The following TTC34 variants were observed in gnomAD, a reference collection of about 807,000 sequenced individuals.
TTC34 encodes tetratricopeptide repeat domain 34, also known as tetratricopeptide repeat protein 34.
In TTC34, 44 loss-of-function variants were observed where a neutral mutation model predicts 40.7. The ratio of observed to expected loss-of-function variants is 1.08; its 90% CI spans 0.85 to 1.39. The LOEUF (loss-of-function observed/expected upper bound fraction) is 1.39. TTC34 is among the 40% of genes most tolerant of loss of function. The pLI, the probability that TTC34 is intolerant of heterozygous loss-of-function variation, is 0.00. For missense variants in TTC34, 884 were observed against 838.0 expected (o/e 1.05, Z -0.68); for synonymous variants, 422 against 398.6 (o/e 1.06, Z -0.70).
intron 6 of TTC34, among the ~76,000 whole-genome samples, chr1:2,759,486 TGA>T (rs1641620452): frequency 3.7e-5 from 2 of 54,224 alleles, no homozygotes. Flanking sequence ...CACCCCCAGG[TGA>T]GCATCGGGCA....
At position 2,753,468 on chromosome 1, in the gene TTC34, C is replaced by A. The variant is rs1282803845; in HGVS notation, c.2226+30141G>T. Among the ~76,000 whole-genome samples, 56 of 74,644 alleles carry A rather than the reference C, an allele frequency of 7.5e-4. 6 individuals carry two copies. Among genetic ancestry groups the A allele is most frequent in the Non-Finnish European group, 4.7e-4 (20 of 42,136 alleles). The allele number at this position is 74,644 out of a possible 152,430, so 49.0% of individuals were successfully genotyped here. On this transcript the variant is annotated intron_variant, in intron 6 of 8. Transcript: ENST00000401095. Reference sequence around the variant, plus strand: ...ACAGCAGCCTGCACCCCCAGGTGTGCACGTGACAGCTTGGATCAGCACCCA... The same window carrying A: ...ACAGCAGCCTGCACCCCCAGGTGTGAACGTGACAGCTTGGATCAGCACCCA...
intron 6 of TTC34, among the ~76,000 whole-genome samples, chr1:2,748,810 A>C (rs2100423118): frequency 6.8e-6 from 1 of 147,234 alleles, no homozygotes; most frequent in Non-Finnish European, 1.5e-5. Flanking sequence ...CCCACAGGCG[A>C]GCATCTGACA....
chr1:2,687,905 C>T (rs866874374), intron 6 of TTC34, among the ~76,000 whole-genome samples: 6 of 150,480 alleles, frequency 4.0e-5, no homozygotes, highest in Non-Finnish European at 5.9e-5. Flanking sequence ...GAGCATCTGA[C>T]AGACTGGAAC....
At chr1:2,698,940 G>GTATCTGAAAGCGTGGAA (rs1640996632) in intron 6 of TTC34, among the ~76,000 whole-genome samples, 1 of 129,438 alleles carries the variant, frequency 7.7e-6, no homozygotes, top group Non-Finnish European at 1.7e-5. Context: ...CCTCAGGTGA[G>GTATCTGAAAGCGTGGAA]CATCTGACAG....
intron 6 of TTC34, among the ~76,000 whole-genome samples, chr1:2,760,023 TC>T (rs1641644089): frequency 1.2e-3 from 78 of 67,370 alleles, no homozygotes; most frequent in Middle Eastern, 0.012. Flanking sequence ...CATCGGAGAG[TC>T]CGGAGCAGCG....
intron 6 of TTC34, among the ~76,000 whole-genome samples, chr1:2,682,047 T>G (rs28370268): frequency 3.6e-5 from 1 of 27,694 alleles, no homozygotes; most frequent in Admixed American, 3.2e-4. Flanking sequence ...CATCTGACAT[T>G]GTGGAGCAGC....
intron 6 of TTC34, among the ~76,000 whole-genome samples, chr1:2,657,422 C>A (rs1289724405): frequency 6.7e-5 from 6 of 89,478 alleles, no homozygotes; most frequent in African/African-American, 1.1e-4. Context: ...TACCAGTACC[C>A]CCAGGCGAGC....
At chr1:2,699,807 A>C (rs1415161121) in intron 6 of TTC34, among the ~76,000 whole-genome samples, 1 of 30,836 alleles carries the variant, frequency 3.2e-5, no homozygotes, top group Non-Finnish European at 8.2e-5. Flanking sequence ...CGAGCATCAC[A>C]TACTCCCCCA....
exon 9 of TTC34, chr1:2,640,886 G>A (rs948157680): frequency 6.6e-6 from 1 of 151,498 alleles, no homozygotes; most frequent in Non-Finnish European, 1.5e-5. Context: ...GTTGCTGGTG[G>A]TAGAAGGGAC....
intron 6 of TTC34, among the ~76,000 whole-genome samples, chr1:2,676,977 G>A (rs1482861948): frequency 7.4e-6 from 1 of 135,022 alleles, no homozygotes; most frequent in African/African-American, 2.9e-5. Context: ...ACCCCCAGGT[G>A]AGCATCCGAC....
chr1:2,777,936 C>G (rs1464009519), intron 6 of TTC34, among the ~76,000 whole-genome samples: 1 of 152,188 alleles, frequency 6.6e-6, no homozygotes, highest in Non-Finnish European at 1.5e-5. Context: ...CCACATCCAG[C>G]TGTTAAATGG....
intron 6 of TTC34, among the ~76,000 whole-genome samples, chr1:2,751,603 C>CT (rs1641322412): frequency 2.3e-5 from 1 of 43,230 alleles, no homozygotes; most frequent in African/African-American, 8.3e-5. Flanking sequence ...CAACAGCACC[C>CT]ACACCCCCAG....
chr1:2,750,484 C>T lies in TTC34; in HGVS notation c.2226+33125G>A, dbSNP rs1321225609. Among the ~76,000 whole-genome samples, 7 of 104,306 alleles carry T rather than the reference C, an allele frequency of 6.7e-5. 1 individual carries two copies. Among genetic ancestry groups the T allele is most frequent in the Admixed American group, 6.5e-4 (7 of 10,714 alleles). 68.4% of individuals were successfully genotyped at this position (104,306 alleles called of 152,430 possible). On this transcript the variant is annotated intron_variant, in intron 6 of 8. Coordinates refer to ENST00000401095, the Ensembl canonical transcript of TTC34. ...CTGACGGCCTGGAACAGCACCCACA[C>T]CCCCAGTTGAGCATTGGACAGCCTG...
chr1:2,692,493 AGCAGCCT>A (rs1640667998), intron 6 of TTC34, among the ~76,000 whole-genome samples: 1 of 138,990 alleles, frequency 7.2e-6, no homozygotes, highest in Non-Finnish European at 1.5e-5. Flanking sequence ...AGCCTGGAAC[AGCAGCCT>A]GCACCCCCAG....
At chr1:2,691,496 C>T (rs574279267) in intron 6 of TTC34, among the ~76,000 whole-genome samples, 6 of 107,248 alleles carry the variant, frequency 5.6e-5, no homozygotes, top group African/African-American at 1.6e-4. Context: ...TGGAGCAGCA[C>T]CCAAAACCAC....
At chr1:2,681,940 C>A (rs1450608141) in intron 6 of TTC34, among the ~76,000 whole-genome samples, 1 of 120,110 alleles carries the variant, frequency 8.3e-6, no homozygotes, top group African/African-American at 3.3e-5. Context: ...GGAACAGCAC[C>A]AACACCCCAA....
intron 6 of TTC34, among the ~76,000 whole-genome samples, chr1:2,764,609 GC>G (rs1641746107): frequency 8.9e-6 from 1 of 112,856 alleles, no homozygotes; most frequent in African/African-American, 3.1e-5. Flanking sequence ...ACAGCCTGGG[GC>G]AGCACCCACA....
chr1:2,757,840 G>A (rs1251654140), intron 6 of TTC34, among the ~76,000 whole-genome samples: 1 of 141,856 alleles, frequency 7.0e-6, no homozygotes, highest in East Asian at 2.1e-4. Context: ...ACCCCCAGGT[G>A]CGCATCTGAT....
At chr1:2,751,601 C>G in intron 6 of TTC34, among the ~76,000 whole-genome samples, 1 of 128,944 alleles carries the variant, frequency 7.8e-6, no homozygotes. Context: ...TGCAACAGCA[C>G]CCACACCCCC....
Sources: gnomAD v4.1 joint callset for allele counts (sites outside exome capture counted in the v4.1 genomes callset) on GRCh38, gnomAD v4.1.1 for gene constraint, MANE v1.5 for transcripts, NCBI Gene and HGNC (gene_info 2026-07-23, HGNC 2026-07-21) for gene names.